The following JMJD1C variants were observed in gnomAD, a reference collection of about 807,000 sequenced individuals.
The protein encoded by JMJD1C is jumonji domain containing 1C, also known as jumonji domain-containing protein 1C.
A neutral mutation model predicts 245.3 loss-of-function variants in JMJD1C; 31 were observed. The observed-to-expected ratio is 0.13, with a 90% CI of 0.09 to 0.17. The LOEUF (loss-of-function observed/expected upper bound fraction) is 0.17, where lower values mean the gene tolerates loss of function less well. JMJD1C is among the 10% of genes least tolerant of loss of function. JMJD1C has a pLI of 1.00. For synonymous variants in JMJD1C, 1,057 were observed against 1,017.4 expected (o/e 1.04, Z -0.74); for missense variants, 2,691 against 3,000.2 (o/e 0.90, Z 2.41).
chr10:63,340,458 G>T (rs1015002526), intron 2 of JMJD1C, among the ~76,000 whole-genome samples: 14 of 152,164 alleles, frequency 9.2e-5, no homozygotes, highest in Admixed American at 7.2e-4. Flanking sequence ...GTGGTGTAAA[G>T]ATACTATTGA....
At chr10:63,225,257 C>T (rs1849122429) in intron 3 of JMJD1C, among the ~76,000 whole-genome samples, 1 of 152,046 alleles carries the variant, frequency 6.6e-6, no homozygotes, top group African/African-American at 2.4e-5. Context: ...TAAACTGTAT[C>T]CTATTTGAGC....
At chr10:63,276,262 C>A (rs1011035388) in intron 2 of JMJD1C, among the ~76,000 whole-genome samples, 47 of 152,050 alleles carry the variant, frequency 3.1e-4, no homozygotes, top group Admixed American at 1.0e-3. Context: ...GTCAGGAGAT[C>A]GAGACCATCC....
intron 2 of JMJD1C, among the ~76,000 whole-genome samples, chr10:63,348,522 T>A (rs890360234): frequency 1.2e-4 from 18 of 152,108 alleles, no homozygotes; most frequent in African/African-American, 4.3e-4. Flanking sequence ...AAACAGTAAA[T>A]CCATATGCAG....
At chr10:63,401,913 T>C (rs981182138) in intron 1 of JMJD1C, among the ~76,000 whole-genome samples, 1 of 152,058 alleles carries the variant, frequency 6.6e-6, no homozygotes, top group Non-Finnish European at 1.5e-5. Context: ...GGCAGGCAGA[T>C]CACCTGAGGT....
intron 3 of JMJD1C, among the ~76,000 whole-genome samples, chr10:63,237,062 C>T (rs1196128205): frequency 1.3e-5 from 2 of 152,024 alleles, no homozygotes; most frequent in Non-Finnish European, 2.9e-5. Context: ...TTTTTTAAGA[C>T]ATCTTGCTCT....
chr10:63,492,560 G>C (rs1954211271), intron 1 of JMJD1C, among the ~76,000 whole-genome samples: 1 of 152,100 alleles, frequency 6.6e-6, no homozygotes, highest in South Asian at 2.1e-4. Context: ...TGTAGTCACA[G>C]CTACTCGGGA....
At chr10:63,432,085 AAAG>A (rs746616807) in intron 1 of JMJD1C, among the ~76,000 whole-genome samples, 10 of 152,206 alleles carry the variant, frequency 6.6e-5, no homozygotes, top group Non-Finnish European at 1.3e-4. Flanking sequence ...GAAGTTCCAG[AAAG>A]AAGCTCAGCC....
At position 63,212,392 on chromosome 10, in the gene JMJD1C, G is replaced by T. The variant is rs564839678; in HGVS notation, c.2694+1081C>A. Among the ~76,000 whole-genome samples the T allele has an allele frequency of 2.0e-5, 3 of 152,282 alleles. No homozygotes were observed. In the East Asian group the frequency reaches 5.8e-4, roughly 29 times the overall value. Reference sequence around the variant, plus strand: ...GGATACTTGATGAGCATCCTAGGATGTACGAAGGACAAGGTTGTCTCCTCG... The same window carrying T: ...GGATACTTGATGAGCATCCTAGGATTTACGAAGGACAAGGTTGTCTCCTCG... On this transcript the variant is annotated intron_variant, in intron 8 of 25. Transcript: ENST00000399262.
intron 2 of JMJD1C, among the ~76,000 whole-genome samples, chr10:63,326,172 T>C (rs1941470951): frequency 6.6e-6 from 1 of 151,950 alleles, no homozygotes; most frequent in Admixed American, 6.6e-5. Flanking sequence ...TTCTGAGAAG[T>C]GTAATAACAC....
chr10:63,432,680 T>G (rs1950828060), intron 1 of JMJD1C, among the ~76,000 whole-genome samples: 1 of 152,234 alleles, frequency 6.6e-6, no homozygotes, highest in South Asian at 2.1e-4. Flanking sequence ...GTTTAACCAC[T>G]GTTAATTGGC....
At chr10:63,433,153 G>A (rs920191066) in intron 1 of JMJD1C, among the ~76,000 whole-genome samples, 9 of 151,222 alleles carry the variant, frequency 6.0e-5, no homozygotes, top group Non-Finnish European at 8.8e-5. Context: ...GTGCAATGCC[G>A]CGATCTGGGC....
In JMJD1C at chr10:63,387,494, C is replaced by T. The variant is rs1220162291; in HGVS notation, c.169-7012G>A. Among the ~76,000 whole-genome samples the T allele has an allele frequency of 2.6e-5, 4 of 151,498 alleles. No homozygotes were observed. In the South Asian group the frequency reaches 6.2e-4, roughly 24 times the overall value. On this transcript the variant is annotated intron_variant, in intron 1 of 25. Coordinates refer to ENST00000399262, the MANE Select transcript of JMJD1C (RefSeq NM_032776.3). ...AGCATAAAAAAGGATGAAACAAATT[C>T]GGGACCTGATGTATTCATCGAATCA...
chr10:63,169,116 CCTTTCTTTTGTGA>C (rs1417002311), intron 24 of JMJD1C, among the ~76,000 whole-genome samples: 2 of 152,144 alleles, frequency 1.3e-5, no homozygotes, highest in African/African-American at 2.4e-5. Flanking sequence ...GTTATTCATG[CCTTTCTTTTGTGA>C]CTTTCTTTCA....
chr10:63,366,056 T>C (rs72835389), intron 2 of JMJD1C, among the ~76,000 whole-genome samples: 7,787 of 152,308 alleles, frequency 0.051, 298 homozygotes, highest in African/African-American at 0.11. Flanking sequence ...ATCATTATAA[T>C]GAGCACATAG....
intron 1 of JMJD1C, 65 bp downstream of exon 1, chr10:63,465,430 A>G: frequency 6.9e-7 from 1 of 1,459,304 alleles, no homozygotes; most frequent in Non-Finnish European, 9.2e-7. Flanking sequence ...GGAAGCCTGC[A>G]AGGTACGTCT....
At chr10:63,266,383 AGGATTTCATAAAATCCTATT>A (rs1432763519) in intron 2 of JMJD1C, among the ~76,000 whole-genome samples, 1 of 147,546 alleles carries the variant, frequency 6.8e-6, no homozygotes, top group Non-Finnish European at 1.5e-5. Flanking sequence ...AAAATCCTAT[AGGATTTCATAAAATCCTATT>A]TATTATTTTA....
intron 1 of JMJD1C, among the ~76,000 whole-genome samples, chr10:63,490,662 C>T (rs540416140): frequency 6.6e-6 from 1 of 152,262 alleles, no homozygotes; most frequent in Non-Finnish European, 1.5e-5. Context: ...GATCCACCCA[C>T]CTCGGCTTCC....
chr10:63,246,725 C>T (rs997235317), intron 3 of JMJD1C, among the ~76,000 whole-genome samples: 6 of 152,090 alleles, frequency 3.9e-5, no homozygotes, highest in Admixed American at 6.5e-5. Flanking sequence ...TTCAAAAAAG[C>T]GAAAATCATA....
chr10:63,405,720 T>C (rs1054518632), intron 1 of JMJD1C, among the ~76,000 whole-genome samples: 1 of 152,188 alleles, frequency 6.6e-6, no homozygotes, highest in Non-Finnish European at 1.5e-5. Context: ...TCAATAATTC[T>C]AATAAGAAAA....
Sources: gnomAD v4.1 joint callset for allele counts (sites outside exome capture counted in the v4.1 genomes callset) on GRCh38, gnomAD v4.1.1 for gene constraint, MANE v1.5 for transcripts, NCBI Gene and HGNC (gene_info 2026-07-23, HGNC 2026-07-21) for gene names.